Variants in KCNIP4 observed in about 807,000 individuals in gnomAD.
KCNIP4 encodes potassium voltage-gated channel interacting protein 4, also known as Kv channel-interacting protein 4.
Under a neutral mutation model 34.0 loss-of-function variants are expected in KCNIP4, and 12 were observed. The ratio of observed to expected loss-of-function variants is 0.35; its 90% CI spans 0.23 to 0.57. The LOEUF is 0.57. Among genes scored for constraint, KCNIP4 ranks in the 20% least tolerant of loss-of-function variants. The probability of loss-of-function intolerance (pLI) is 0.83; values close to 1 mark genes in which losing one functional copy is unlikely to be tolerated. For synonymous variants in KCNIP4, 124 were observed against 102.2 expected, an observed-to-expected ratio of 1.21 and a Z score of -1.29; for missense variants, 238 against 311.7, an observed-to-expected ratio of 0.76 and a Z score of 1.78.
chr4:21,109,121 C>G (rs572100719), intron 1 of KCNIP4, among the ~76,000 whole-genome samples: 1 of 151,066 alleles, frequency 6.6e-6, no homozygotes, highest in South Asian at 2.1e-4. Context: ...AACCACTGCT[C>G]TCTTCAAAGC....
chr4:21,103,004 A>T (rs1748081732), intron 1 of KCNIP4, among the ~76,000 whole-genome samples: 1 of 152,064 alleles, frequency 6.6e-6, no homozygotes, highest in Admixed American at 6.6e-5. Context: ...TTAAATGTTT[A>T]TTCTTGTTAT....
At chr4:21,702,252 C>G (rs1298233127) in intron 1 of KCNIP4, among the ~76,000 whole-genome samples, 1 of 151,992 alleles carries the variant, frequency 6.6e-6, no homozygotes, top group Non-Finnish European at 1.5e-5. Flanking sequence ...TGCATCCTCA[C>G]GTGGAGGAGA....
chr4:20,868,552 T>C, intron 2 of KCNIP4, among the ~76,000 whole-genome samples: 1 of 152,074 alleles, frequency 6.6e-6, no homozygotes, highest in South Asian at 2.1e-4. Flanking sequence ...TGTTCATCAC[T>C]GTGCTCTTCA....
intron 1 of KCNIP4, among the ~76,000 whole-genome samples, chr4:21,044,986 T>C (rs547596163): frequency 2.7e-4 from 41 of 152,218 alleles, no homozygotes; most frequent in Non-Finnish European, 5.4e-4. Context: ...ATCTTACATA[T>C]GGAAGAGACA....
chr4:21,030,530 G>C (rs1309253134), intron 1 of KCNIP4, among the ~76,000 whole-genome samples: 1 of 152,110 alleles, frequency 6.6e-6, no homozygotes, highest in Non-Finnish European at 1.5e-5. Context: ...TCATGAAATT[G>C]GTCTCTGGTG....
chr4:21,607,657 T>A (rs1560557538), intron 1 of KCNIP4, among the ~76,000 whole-genome samples: 1 of 151,986 alleles, frequency 6.6e-6, no homozygotes, highest in East Asian at 2.0e-4. Context: ...ATAAGCATAA[T>A]GTTTATCTGT....
chr4:21,458,239 C>A lies in KCNIP4; in HGVS notation c.61+490332G>T, dbSNP rs145742803. Among the ~76,000 whole-genome samples the A allele has an allele frequency of 7.1e-3, 1,050 of 147,676 alleles. 55 individuals carry two copies. The East Asian group carries it at 0.14, about 19-fold the overall frequency. On this transcript the variant is annotated intron_variant, in intron 1 of 8. Coordinates refer to ENST00000382152, the MANE Select transcript of KCNIP4 (RefSeq NM_025221.6). ...ATTCCCACCTATGAGTGAGAATATG[C>A]GGTGTTTGGTTGTTTGTTCTTGCGA...
At chr4:21,683,862 A>AT (rs1475541428) in intron 1 of KCNIP4, among the ~76,000 whole-genome samples, 4 of 152,188 alleles carry the variant, frequency 2.6e-5, no homozygotes, top group Non-Finnish European at 4.4e-5. Flanking sequence ...CCTGTGGTGC[A>AT]TACACATTGT....
intron 2 of KCNIP4, among the ~76,000 whole-genome samples, chr4:20,870,251 G>A (rs1335350762): frequency 6.6e-6 from 1 of 151,984 alleles, no homozygotes; most frequent in Non-Finnish European, 1.5e-5. Flanking sequence ...CTTCCTTGTT[G>A]TTCTTGTGAT....
intron 2 of KCNIP4, among the ~76,000 whole-genome samples, chr4:20,864,035 T>C (rs779504576): frequency 0.013 from 1,340 of 103,624 alleles, 13 homozygotes; most frequent in Middle Eastern, 0.036. Flanking sequence ...CATACATATG[T>C]ATGTATACGC....
At chr4:21,832,364 C>T (rs534748100) in intron 1 of KCNIP4, among the ~76,000 whole-genome samples, 1 of 151,990 alleles carries the variant, frequency 6.6e-6, no homozygotes, top group Admixed American at 6.6e-5. Context: ...TAAGGGTGTG[C>T]TATTTAGTGT....
At chr4:20,934,136 C>T (rs1455837535) in intron 1 of KCNIP4, among the ~76,000 whole-genome samples, 3 of 152,104 alleles carry the variant, frequency 2.0e-5, no homozygotes, top group Non-Finnish European at 4.4e-5. Context: ...TTGATGTGAA[C>T]TTTTAAAGTG....
At chr4:21,225,430 C>T (rs998020032) in intron 1 of KCNIP4, among the ~76,000 whole-genome samples, 2 of 152,102 alleles carry the variant, frequency 1.3e-5, no homozygotes, top group Non-Finnish European at 2.9e-5. Context: ...CCCCATATTA[C>T]CTAAGACAAT....
intron 1 of KCNIP4, among the ~76,000 whole-genome samples, chr4:21,738,699 C>A (rs762657066): frequency 6.6e-6 from 1 of 152,088 alleles, no homozygotes; most frequent in Non-Finnish European, 1.5e-5. Flanking sequence ...CAGTTAAATG[C>A]AGTATACTTG....
chr4:20,741,241 T>C (rs893707436), intron 5 of KCNIP4, among the ~76,000 whole-genome samples: 27 of 152,064 alleles, frequency 1.8e-4, no homozygotes, highest in African/African-American at 5.6e-4. Flanking sequence ...TCTACAGAAC[T>C]CTCCACCCCA....
intron 1 of KCNIP4, among the ~76,000 whole-genome samples, chr4:21,889,310 T>G (rs1462233020): frequency 6.6e-6 from 1 of 152,136 alleles, no homozygotes; most frequent in African/African-American, 2.4e-5. Context: ...ATAAATCTCA[T>G]GTTTAGATTT....
At position 21,180,659 on chromosome 4, in the gene KCNIP4, ATG is replaced by A. The variant is rs146213301; in HGVS notation, c.62-297952_62-297951del. ...ATGGCTTCTTTCCTCTAATGTTTAT[ATG>A]TGTGTGTGTGTGTGTATTTGTGTGT... is the stretch of plus-strand genomic sequence containing the variant. On this transcript the variant is annotated intron_variant, in intron 1 of 8. Transcript: ENST00000382152. 5.2e-3 allele frequency among the ~76,000 whole-genome samples: 781 copies of A among 149,604 alleles called. 3 individuals carry two copies. The highest frequency in any genetic ancestry group is 0.016 in the African/African-American group (645 of 40,966).
rs115453659 is a variant in KCNIP4 at position 21,137,474 on chromosome 4, T to C, written c.62-254765A>G. 6.3e-3 allele frequency among the ~76,000 whole-genome samples: 959 copies of C among 152,336 alleles called. 12 individuals are homozygous for C. The highest frequency in any genetic ancestry group is 0.021 in the African/African-American group (893 of 41,578). On this transcript the variant is annotated intron_variant, in intron 1 of 8. Coordinates refer to ENST00000382152, the MANE Select transcript of KCNIP4 (RefSeq NM_025221.6). ...ATACAATATTTGATACATTTGAAGA[T>C]GCCATATCTTTAGTTAAAAAAAGAG...
At chr4:20,885,719 A>G (rs1725229365) in intron 1 of KCNIP4, among the ~76,000 whole-genome samples, 1 of 152,218 alleles carries the variant, frequency 6.6e-6, no homozygotes, top group Non-Finnish European at 1.5e-5. Flanking sequence ...TCAAAAAGTT[A>G]GGATCAGAGG....
Sources: gnomAD v4.1 joint callset for allele counts (sites outside exome capture counted in the v4.1 genomes callset) on GRCh38, gnomAD v4.1.1 for gene constraint, MANE v1.5 for transcripts, NCBI Gene and HGNC (gene_info 2026-07-23, HGNC 2026-07-21) for gene names.